The following PTCD3 variants were observed in gnomAD, a reference collection of about 807,000 sequenced individuals.
The protein encoded by PTCD3 is pentatricopeptide repeat domain 3.
A neutral mutation model predicts 101.9 loss-of-function variants in PTCD3; 89 were observed. The observed-to-expected ratio is 0.87, with a 90% CI of 0.74 to 1.04. PTCD3 has a LOEUF of 1.04. Ranked by LOEUF, PTCD3 falls within the 50% of genes least tolerant of loss-of-function variation. The probability of loss-of-function intolerance (pLI) is 0.00; values close to 1 mark genes in which losing one functional copy is unlikely to be tolerated. For synonymous variants in PTCD3, 296 were observed against 278.5 expected, an observed-to-expected ratio of 1.06 and a Z score of -0.63; for missense variants, 870 against 828.2, an observed-to-expected ratio of 1.05 and a Z score of -0.62.
intron 4 of PTCD3, among the ~76,000 whole-genome samples, chr2:86,112,893 T>C (rs1558793731): frequency 1.3e-5 from 2 of 152,062 alleles, no homozygotes; most frequent in Non-Finnish European, 2.9e-5. Context: ...TTGAAATGTA[T>C]GTTCTTAGGG....
intron 3 of PTCD3, among the ~76,000 whole-genome samples, chr2:86,109,958 GAAATAC>G (rs757440843): frequency 6.6e-6 from 1 of 152,156 alleles, no homozygotes; most frequent in African/African-American, 2.4e-5. Flanking sequence ...AAAAGTTCTG[GAAATAC>G]AAATACCAAA....
intron 14 of PTCD3, among the ~76,000 whole-genome samples, chr2:86,128,694 T>C (rs1035126435): frequency 2.6e-5 from 4 of 152,184 alleles, no homozygotes; most frequent in Non-Finnish European, 5.9e-5. Context: ...TTGTCCACTT[T>C]TAGGTCAGTT....
At chr2:86,136,406 A>T in intron 21 of PTCD3, 115 bp from the exon 22 acceptor site, 1 of 1,000,912 alleles carries the variant, frequency 1.0e-6, no homozygotes, top group Non-Finnish European at 1.5e-6. Context: ...TTGGGAGCTT[A>T]CAGTATAGTT....
intron 7 of PTCD3, among the ~76,000 whole-genome samples, chr2:86,121,082 T>A (rs897177719): frequency 6.6e-6 from 1 of 152,236 alleles, no homozygotes; most frequent in South Asian, 2.1e-4. Context: ...AGTGAGTATC[T>A]GGATCCAAAT....
At chr2:86,108,293 G>C in intron 1 of PTCD3, 57 bp from the exon 2 acceptor site, 1 of 1,561,074 alleles carries the variant, frequency 6.4e-7, no homozygotes, top group Non-Finnish European at 8.7e-7. Flanking sequence ...CATAGGTGGA[G>C]GTGAGCTGGG....
intron 8 of PTCD3, 104 bp from the exon 9 acceptor site, chr2:86,123,597 T>C: frequency 1.2e-6 from 1 of 826,186 alleles, no homozygotes; most frequent in East Asian, 2.8e-5. Flanking sequence ...TATGTTTCCT[T>C]TATTTTTCTG....
chr2:86,130,286 C>A (rs1478490777), intron 14 of PTCD3, among the ~76,000 whole-genome samples: 2 of 151,692 alleles, frequency 1.3e-5, no homozygotes, highest in Non-Finnish European at 2.9e-5. Context: ...GGCAATAATG[C>A]AAGACTCCAT....
intron 23 of PTCD3, 40 bp downstream of exon 23, chr2:86,137,180 C>G: frequency 6.6e-7 from 1 of 1,522,208 alleles, no homozygotes; most frequent in Non-Finnish European, 8.8e-7. Flanking sequence ...AAAATGGAGA[C>G]CTTTCATCCA....
At chr2:86,119,926 TAGCAACATCAGA>T (rs1674252203) in intron 7 of PTCD3, among the ~76,000 whole-genome samples, 1 of 152,184 alleles carries the variant, frequency 6.6e-6, no homozygotes. Flanking sequence ...AATCTACATA[TAGCAACATCAGA>T]AGCAGCTGGC....
In PTCD3 at chr2:86,125,087, A is replaced by G; in HGVS notation, c.804+5A>G. On this transcript the variant is annotated splice_donor_5th_base_variant and intron_variant, in intron 10 of 23. Transcript: ENST00000254630. ...ATGATCCGAGGAATGGTGAAGGTAC[A>G]TTTGTTTTATTTATTTTTGTCTTTC... 1 of 1,612,740 alleles carries G rather than the reference A, an allele frequency of 6.2e-7. No homozygotes were observed. Among genetic ancestry groups the G allele is most frequent in the Non-Finnish European group, 8.5e-7 (1 of 1,179,686 alleles).
intron 1 of PTCD3, 22 bp downstream of exon 1, chr2:86,106,373 C>G: frequency 6.2e-7 from 1 of 1,607,852 alleles, no homozygotes. Flanking sequence ...TTAGGGTATC[C>G]GCGAAGAAGA....
At chr2:86,130,820 C>A in intron 15 of PTCD3, 83 bp downstream of exon 15, 1 of 1,549,962 alleles carries the variant, frequency 6.5e-7, no homozygotes, top group Non-Finnish European at 8.6e-7. Context: ...GCCTTGTGAT[C>A]CCTATAGCTT....
Position 86,133,177 on chromosome 2 carries a change from G to A in PTCD3, c.1374-1G>A. ...AAACATACTTTTTGCCTTCATCACA[G>A]TTCCAAGTTCTTCGATTTGATTTGT... On this transcript the variant is annotated splice_acceptor_variant, in intron 17 of 23. Transcript: ENST00000254630. LOFTEE classifies it high-confidence loss of function. 1 of 1,613,516 alleles carries A rather than the reference G, an allele frequency of 6.2e-7. No homozygotes were observed. Among genetic ancestry groups the A allele is most frequent in the Non-Finnish European group, 8.5e-7 (1 of 1,179,822 alleles).
chr2:86,121,483 C>T lies in PTCD3; in HGVS notation c.543C>T (p.Thr181=), dbSNP rs370055503. The T allele has an allele frequency of 2.5e-6, 4 of 1,591,684 alleles. No individual in the cohort carries two copies. The African/African-American group carries it at 4.1e-5, about 16-fold the overall frequency. ...CTTTCTGTCTCTTACCCACAGGAAC[C>T]ACTGTGTCTCTTGAAACAACAAATA... ...DMFDQLLQAG[T]TVSLETTNSL... The change falls in exon 8 of 24, where the codon ACC becomes ACT. Residue 181 remains threonine, a synonymous_variant. Coordinates refer to ENST00000254630, the MANE Select transcript of PTCD3 (RefSeq NM_017952.6).
intron 16 of PTCD3, among the ~76,000 whole-genome samples, chr2:86,131,465 G>T (rs1674493713): frequency 6.6e-6 from 1 of 152,084 alleles, no homozygotes; most frequent in Non-Finnish European, 1.5e-5. Flanking sequence ...TTGAACTCCT[G>T]ACCACCTCCC....
chr2:86,114,313 A>G (rs985146317), intron 4 of PTCD3, among the ~76,000 whole-genome samples: 63 of 150,824 alleles, frequency 4.2e-4, no homozygotes, highest in African/African-American at 1.5e-3. Context: ...AAAGAGACGG[A>G]GTCTCCCTCT....
chr2:86,125,710 A>G (rs1674370722), intron 11 of PTCD3, 85 bp from the exon 12 acceptor site: 2 of 1,096,872 alleles, frequency 1.8e-6, no homozygotes, highest in African/African-American at 1.6e-5. Flanking sequence ...GTCAAGGGAC[A>G]CATAGGAATG....
intron 1 of PTCD3, among the ~76,000 whole-genome samples, chr2:86,107,528 A>T (rs1286050906): frequency 6.6e-6 from 1 of 152,226 alleles, no homozygotes. Flanking sequence ...TAACCGTCAC[A>T]TTATCTGTGG....
rs1558797625 is a variant in PTCD3, at chr2:86,125,060, C to T, written c.782C>T (p.Thr261Ile). The T allele has an allele frequency of 6.2e-7, 1 of 1,614,036 alleles. No homozygotes were observed. Among genetic ancestry groups the T allele is most frequent in the South Asian group, 1.1e-5 (1 of 91,068 alleles). Residue 261 changes from threonine (T) to isoleucine (I), a missense_variant, in exon 10 of 24, where the codon ACA (threonine) becomes ATA (isoleucine). Thr to Ile is a moderately conservative substitution (Grantham distance 89, BLOSUM62 -1). Transcript: ENST00000254630. The part of the protein sequence containing the change: ...MPEKNEHSYC[T>I]MIRGMVKHRA... ...GAGAAAAATGAACATTCCTATTGCA[C>T]AATGATCCGAGGAATGGTGAAGGTA...
Sources: gnomAD v4.1 joint callset for allele counts (sites outside exome capture counted in the v4.1 genomes callset) on GRCh38, gnomAD v4.1.1 for gene constraint, MANE v1.5 for transcripts, NCBI Gene and HGNC (gene_info 2026-07-23, HGNC 2026-07-21) for gene names.